Variants in ERC2 observed in about 807,000 individuals in gnomAD.
ERC2 encodes ELKS/RAB6-interacting/CAST family member 2.
In ERC2, 42 loss-of-function variants were observed where a neutral mutation model predicts 114.8. The ratio of observed to expected loss-of-function variants is 0.37; its 90% CI spans 0.29 to 0.47. The LOEUF (loss-of-function observed/expected upper bound fraction) is 0.47. Among genes scored for constraint, ERC2 ranks in the 20% least tolerant of loss-of-function variants. The pLI is 0.99. For missense variants in ERC2, 939 were observed against 1,150.7 expected, an observed-to-expected ratio of 0.82 and a Z score of 2.66; for synonymous variants, 454 against 425.5, an observed-to-expected ratio of 1.07 and a Z score of -0.82.
At chr3:56,411,102 A>G (rs2060925041) in intron 2 of ERC2, among the ~76,000 whole-genome samples, 1 of 150,746 alleles carries the variant, frequency 6.6e-6, no homozygotes, top group Non-Finnish European at 1.5e-5. Flanking sequence ...ATTTAGTTAC[A>G]AAACTCAAAC....
chr3:55,689,473 C>T lies in ERC2; in HGVS notation c.2848-5614G>A, dbSNP rs149094742. On this transcript the variant is annotated intron_variant, in intron 16 of 17. Coordinates refer to ENST00000288221, the MANE Select transcript of ERC2 (RefSeq NM_015576.3). ...GCTTAAAATCAACATCTGCTAAAAGCGGAACCATTGCCAGATAACCATAAA... is the reference window on the plus strand; with the variant it reads ...GCTTAAAATCAACATCTGCTAAAAGTGGAACCATTGCCAGATAACCATAAA... Among the ~76,000 whole-genome samples, 425 of 152,182 alleles carry T rather than the reference C, an allele frequency of 2.8e-3. 10 individuals are homozygous for T. In the East Asian group the frequency reaches 0.036, roughly 13 times the overall value.
chr3:55,835,031 C>T (rs1575772973), intron 14 of ERC2, among the ~76,000 whole-genome samples: 1 of 151,408 alleles, frequency 6.6e-6, no homozygotes, highest in East Asian at 1.9e-4. Context: ...ACACATACAC[C>T]CTCCCAAGAC....
Position 55,590,088 on chromosome 3 carries a change from C to T in ERC2, c.*40-78812G>A, listed in dbSNP as rs530276836. Among the ~76,000 whole-genome samples, 22 of 152,092 alleles carry T rather than the reference C, an allele frequency of 1.4e-4. 1 individual carries two copies. In the South Asian group the frequency reaches 2.5e-3, roughly 17 times the overall value. On this transcript the variant is annotated intron_variant, in intron 17 of 17. Transcript: ENST00000288221. ...CAATACATTTTTTTGAAGGTGGCAA[C>T]GTCACTCAAAAAAATAAACCAAGGA...
chr3:56,012,006 A>C (rs1040759769), intron 8 of ERC2, among the ~76,000 whole-genome samples: 2 of 152,188 alleles, frequency 1.3e-5, no homozygotes, highest in Non-Finnish European at 2.9e-5. Context: ...AAACACTTTA[A>C]ATGAAATATA....
chr3:55,752,276 T>TA (rs941924544), intron 14 of ERC2, among the ~76,000 whole-genome samples: 8 of 152,298 alleles, frequency 5.3e-5, no homozygotes, highest in African/African-American at 1.7e-4. Context: ...CTAATGATCT[T>TA]ACAGCTAAGG....
intron 6 of ERC2, among the ~76,000 whole-genome samples, chr3:56,113,909 T>C (rs532565815): frequency 2.0e-5 from 3 of 152,316 alleles, no homozygotes; most frequent in South Asian, 4.1e-4. Flanking sequence ...ATAGGCTTAT[T>C]ACTGTCAACT....
rs78976223 is a variant in ERC2 at position 56,323,398 on chromosome 3, A to C, written c.658-26963T>G. Among the ~76,000 whole-genome samples the C allele has an allele frequency of 9.0e-3, 1,369 of 152,298 alleles. 19 individuals are homozygous for C. Among genetic ancestry groups the C allele is most frequent in the African/African-American group, 0.03 (1,250 of 41,548 alleles). ...CTACCGTCTTTGACAATGAGATATC[A>C]TGAGGGAAGAGGCCCAGACAAATGC... On this transcript the variant is annotated intron_variant, in intron 2 of 17. Transcript: ENST00000288221.
At chr3:56,021,158 T>C (rs1181199662) in intron 7 of ERC2, among the ~76,000 whole-genome samples, 1 of 151,918 alleles carries the variant, frequency 6.6e-6, no homozygotes, top group Non-Finnish European at 1.5e-5. Context: ...GAGAAAAAAA[T>C]AAGGTACAGA....
intron 13 of ERC2, among the ~76,000 whole-genome samples, chr3:55,898,101 G>A (rs1211358490): frequency 6.6e-6 from 1 of 152,184 alleles, no homozygotes; most frequent in Non-Finnish European, 1.5e-5. Context: ...GAAGGATAGA[G>A]AGGAAATGTG....
chr3:55,891,608 A>G (rs1264933920), intron 13 of ERC2, among the ~76,000 whole-genome samples: 2 of 151,612 alleles, frequency 1.3e-5, no homozygotes, highest in Non-Finnish European at 1.5e-5. Context: ...CACCACGCCC[A>G]GCTAATTTTT....
chr3:56,177,302 T>G (rs2083030237), intron 3 of ERC2, among the ~76,000 whole-genome samples: 1 of 152,190 alleles, frequency 6.6e-6, no homozygotes, highest in Non-Finnish European at 1.5e-5. Context: ...TAGGATGAAT[T>G]GGTTGCTGGA....
chr3:55,596,244 ATAGAT>A (rs1352451515), intron 17 of ERC2, among the ~76,000 whole-genome samples: 3 of 152,252 alleles, frequency 2.0e-5, no homozygotes, highest in African/African-American at 7.2e-5. Context: ...GTAGGTCCAA[ATAGAT>A]TAGTTACAAT....
rs573985361 is a variant in ERC2 at position 55,637,593 on chromosome 3, G to C, written c.*39+46201C>G. Among the ~76,000 whole-genome samples, 171 of 152,222 alleles carry C rather than the reference G, an allele frequency of 1.1e-3. 1 individual carries two copies. The highest frequency in any genetic ancestry group is 6.8e-3 in the Middle Eastern group (2 of 294). On this transcript the variant is annotated intron_variant, in intron 17 of 17. Transcript: ENST00000288221. ...TCTAAAATCCAAGTCTCTGCCCCTG[G>C]GTGCAAATGGCAGCTTGAATGCATT...
At chr3:55,952,173 A>ACT (rs2067596171) in intron 12 of ERC2, among the ~76,000 whole-genome samples, 3 of 56,028 alleles carry the variant, frequency 5.4e-5, no homozygotes, top group Non-Finnish European at 1.2e-4. Context: ...ACACACACAC[A>ACT]CACACACTCT....
chr3:56,005,003 G>A (rs538588246), intron 10 of ERC2, among the ~76,000 whole-genome samples: 3 of 151,462 alleles, frequency 2.0e-5, no homozygotes, highest in Admixed American at 1.3e-4. Flanking sequence ...AGGTTTTTAC[G>A]GAACTATTTA....
intron 12 of ERC2, among the ~76,000 whole-genome samples, chr3:55,951,112 C>A (rs181713073): frequency 6.6e-6 from 1 of 152,252 alleles, no homozygotes; most frequent in Admixed American, 6.5e-5. Flanking sequence ...TGAGGCTAAT[C>A]CAGGGAAGGG....
At chr3:56,240,825 T>C (rs1186137136) in intron 3 of ERC2, among the ~76,000 whole-genome samples, 1 of 152,230 alleles carries the variant, frequency 6.6e-6, no homozygotes, top group African/African-American at 2.4e-5. Context: ...CAACTTTCTT[T>C]TTAAAATTTT....
intron 14 of ERC2, among the ~76,000 whole-genome samples, chr3:55,824,208 C>T (rs75687359): frequency 6.6e-6 from 1 of 152,158 alleles, no homozygotes; most frequent in Non-Finnish European, 1.5e-5. Flanking sequence ...GGGCCTACAA[C>T]ATAGAATTGA....
At chr3:55,571,224 A>C (rs1310064668) in intron 17 of ERC2, among the ~76,000 whole-genome samples, 1 of 151,918 alleles carries the variant, frequency 6.6e-6, no homozygotes, top group African/African-American at 2.4e-5. Flanking sequence ...TTTGTGCACA[A>C]CTGTGCTCCT....
Sources: allele counts gnomAD v4.1 joint callset (sites outside exome capture counted in the v4.1 genomes callset), GRCh38; gene constraint gnomAD v4.1.1; transcripts MANE v1.5; gene names NCBI Gene and HGNC (gene_info 2026-07-23, HGNC 2026-07-21).